Variants in DAB1 observed in about 807,000 individuals in gnomAD.
The protein encoded by DAB1 is disabled homolog 1.
A neutral mutation model predicts 64.6 loss-of-function variants in DAB1; 15 were observed. That is an observed-to-expected ratio of 0.23 (90% confidence interval 0.16 to 0.36). The LOEUF (loss-of-function observed/expected upper bound fraction) is 0.36. Among genes scored for constraint, DAB1 ranks in the 10% least tolerant of loss-of-function variants. The pLI is 1.00. For missense variants in DAB1, 596 were observed against 706.7 expected, an observed-to-expected ratio of 0.84 and a Z score of 1.78; for synonymous variants, 235 against 251.9, an observed-to-expected ratio of 0.93 and a Z score of 0.64.
rs574102352 is a variant in DAB1, at chr1:58,054,857, G to C, written n.387+95654C>G. Among the ~76,000 whole-genome samples the C allele has an allele frequency of 2.6e-5, 4 of 152,308 alleles. No homozygotes were observed. In the South Asian group the frequency reaches 8.3e-4, roughly 32 times the overall value. On this transcript the variant is annotated intron_variant and non_coding_transcript_variant, in intron 5 of 20. Transcript: ENST00000485760. ...GCCTTGGAGTTGGAGGCCCAGGAGAGGACGAAGATGAGATTCTGTGTGAAA... is the reference window on the plus strand; with the variant it reads ...GCCTTGGAGTTGGAGGCCCAGGAGACGACGAAGATGAGATTCTGTGTGAAA...
At chr1:58,417,020 C>T (rs1644727860) in intron 3 of DAB1, among the ~76,000 whole-genome samples, 1 of 152,172 alleles carries the variant, frequency 6.6e-6, no homozygotes, top group Admixed American at 6.5e-5. Context: ...AAATGAATGT[C>T]ACCCTTTCTT....
intron 3 of DAB1, among the ~76,000 whole-genome samples, chr1:58,381,236 C>T (rs532954683): frequency 5.3e-5 from 8 of 152,178 alleles, no homozygotes; most frequent in Non-Finnish European, 7.4e-5. Context: ...GTGCAGCAAA[C>T]CACCATGGCA....
intron 5 of DAB1, among the ~76,000 whole-genome samples, chr1:57,940,308 A>G (rs1645084631): frequency 6.6e-6 from 1 of 152,218 alleles, no homozygotes; most frequent in Admixed American, 6.5e-5. Context: ...AAGAAATTAG[A>G]AATTTCAAGG....
At chr1:57,444,928 T>C (rs954464817) in intron 7 of DAB1, among the ~76,000 whole-genome samples, 10 of 152,280 alleles carry the variant, frequency 6.6e-5, no homozygotes, top group Non-Finnish European at 1.0e-4. Flanking sequence ...TATATATTCC[T>C]AGGGCTGGTC....
intron 2 of DAB1, among the ~76,000 whole-genome samples, chr1:57,279,321 C>T (rs895027641): frequency 2.0e-5 from 3 of 152,128 alleles, no homozygotes; most frequent in Non-Finnish European, 4.4e-5. Context: ...CTCGTAATAC[C>T]TAATGCAAAG....
intron 1 of DAB1, among the ~76,000 whole-genome samples, chr1:57,835,743 C>A (rs528781370): frequency 1.3e-5 from 2 of 152,320 alleles, no homozygotes; most frequent in Admixed American, 1.3e-4. Context: ...TGGAGAAACA[C>A]AGATGTTGTG....
intron 4 of DAB1, among the ~76,000 whole-genome samples, chr1:58,260,260 C>T (rs1394768924): frequency 1.3e-5 from 2 of 152,142 alleles, no homozygotes. Context: ...TCGCAAAGCC[C>T]TTTACACAAC....
chr1:57,348,324 G>A (rs1678286771), intron 1 of DAB1, among the ~76,000 whole-genome samples: 1 of 152,148 alleles, frequency 6.6e-6, no homozygotes. Context: ...CTGTGAACAG[G>A]ATAGAGGGAG....
Position 58,037,622 on chromosome 1 carries a change from A to G in DAB1, n.387+112889T>C, listed in dbSNP as rs559025508. On this transcript the variant is annotated intron_variant and non_coding_transcript_variant, in intron 5 of 20. Transcript: ENST00000485760. ...GGTGGAACAGTTTCATCCCAAAACC[A>G]TCCCCACCCTTCCACCCCCACCCTG... Among the ~76,000 whole-genome samples the G allele has an allele frequency of 3.6e-4, 55 of 152,226 alleles. 1 individual carries two copies. The highest frequency in any genetic ancestry group is 1.9e-3 in the South Asian group (9 of 4,830).
intron 3 of DAB1, among the ~76,000 whole-genome samples, chr1:58,467,112 C>A (rs186085704): frequency 6.6e-6 from 1 of 152,156 alleles, no homozygotes; most frequent in African/African-American, 2.4e-5. Context: ...GTGGCTCTGG[C>A]CATTCTCAAA....
intron 4 of DAB1, among the ~76,000 whole-genome samples, chr1:58,171,452 G>C (rs1656170636): frequency 6.6e-6 from 1 of 152,228 alleles, no homozygotes; most frequent in Non-Finnish European, 1.5e-5. Flanking sequence ...GTGGAGGCTA[G>C]TGCAAGATCT....
chr1:57,906,878 C>T (rs1343090230), intron 5 of DAB1, among the ~76,000 whole-genome samples: 1 of 151,840 alleles, frequency 6.6e-6, no homozygotes, highest in Admixed American at 6.6e-5. Context: ...GATGTGTATG[C>T]ACATAGGCAA....
chr1:58,528,113 A>T (rs1646380080), intron 1 of DAB1, among the ~76,000 whole-genome samples: 1 of 152,254 alleles, frequency 6.6e-6, no homozygotes, highest in Non-Finnish European at 1.5e-5. Context: ...GTATGTGACC[A>T]TTACAAATGA....
At chr1:57,556,078 A>G (rs756219835) in intron 7 of DAB1, among the ~76,000 whole-genome samples, 4 of 152,192 alleles carry the variant, frequency 2.6e-5, no homozygotes, top group Non-Finnish European at 5.9e-5. Context: ...ATAATAAGAT[A>G]TGCTTTAAGC....
intron 3 of DAB1, among the ~76,000 whole-genome samples, chr1:58,383,351 A>G (rs1557745468): frequency 1.3e-5 from 2 of 152,178 alleles, no homozygotes; most frequent in Non-Finnish European, 2.9e-5. Context: ...TGTGCCCCCA[A>G]ATCCCTTCCA....
intron 1 of DAB1, among the ~76,000 whole-genome samples, chr1:57,873,373 A>C (rs1326771928): frequency 6.6e-6 from 1 of 152,166 alleles, no homozygotes. Flanking sequence ...GCACTTAGCA[A>C]GGTAACATTG....
At chr1:57,729,811 A>G (rs1647331939) in intron 6 of DAB1, among the ~76,000 whole-genome samples, 1 of 152,222 alleles carries the variant, frequency 6.6e-6, no homozygotes, top group Admixed American at 6.5e-5. Flanking sequence ...CTGTAATCTC[A>G]GTGCTTTAAG....
chr1:58,506,770 A>G (rs1004551007), intron 2 of DAB1, among the ~76,000 whole-genome samples: 1 of 152,188 alleles, frequency 6.6e-6, no homozygotes, highest in African/African-American at 2.4e-5. Flanking sequence ...ACTTCAAATA[A>G]ACATAAAGAG....
chr1:58,047,052 G>T (rs1410561816), intron 5 of DAB1, among the ~76,000 whole-genome samples: 1 of 152,158 alleles, frequency 6.6e-6, no homozygotes, highest in African/African-American at 2.4e-5. Flanking sequence ...TTCTTACCAT[G>T]ACATGATATT....
Sources: allele counts gnomAD v4.1 joint callset (sites outside exome capture counted in the v4.1 genomes callset), GRCh38; gene constraint gnomAD v4.1.1; transcripts MANE v1.5; gene names NCBI Gene and HGNC (gene_info 2026-07-23, HGNC 2026-07-21).